The following IQCM variants were observed in gnomAD, a reference collection of about 807,000 sequenced individuals.
The protein encoded by IQCM is IQ domain-containing protein M.
In IQCM, 45 loss-of-function variants were observed where a neutral mutation model predicts 57.6. That is an observed-to-expected ratio of 0.78 (90% CI 0.62 to 1.00). The LOEUF is 1.00. Ranked by LOEUF, IQCM falls within the 50% of genes least tolerant of loss-of-function variation. The pLI, the probability that IQCM is intolerant of heterozygous loss-of-function variation, is 0.00. For missense variants in IQCM, 468 were observed against 511.6 expected (o/e 0.91, Z 0.82); for synonymous variants, 148 against 158.9 (o/e 0.93, Z 0.51).
At chr4:149,683,509 A>G (rs1257009791) in intron 6 of IQCM, among the ~76,000 whole-genome samples, 1 of 151,296 alleles carries the variant, frequency 6.6e-6, no homozygotes, top group African/African-American at 2.4e-5. Flanking sequence ...GGTCATGCCC[A>G]CAGAGTTGGC....
At chr4:149,506,533 G>A (rs1221261279) in intron 12 of IQCM, among the ~76,000 whole-genome samples, 1 of 152,158 alleles carries the variant, frequency 6.6e-6, no homozygotes, top group African/African-American at 2.4e-5. Flanking sequence ...TTTTTAGGGT[G>A]CTTGGCAGAA....
intron 2 of IQCM, among the ~76,000 whole-genome samples, chr4:149,754,239 T>C (rs1768743507): frequency 6.6e-6 from 1 of 152,140 alleles, no homozygotes; most frequent in South Asian, 2.1e-4. Context: ...ACTAGTCAAC[T>C]AGGATTTATG....
chr4:149,576,335 A>G (rs1751648815), intron 9 of IQCM, among the ~76,000 whole-genome samples: 1 of 151,716 alleles, frequency 6.6e-6, no homozygotes, highest in South Asian at 2.1e-4. Context: ...CCTTGTGTCT[A>G]TTGTGCCCTT....
intron 9 of IQCM, among the ~76,000 whole-genome samples, chr4:149,570,429 G>T (rs907069163): frequency 6.6e-6 from 1 of 152,004 alleles, no homozygotes; most frequent in Admixed American, 6.6e-5. Flanking sequence ...ATTGGTTAGG[G>T]ATTGCCAACT....
intron 2 of IQCM, among the ~76,000 whole-genome samples, chr4:149,811,898 CTG>C (rs1250405207): frequency 1.3e-5 from 2 of 152,138 alleles, no homozygotes; most frequent in African/African-American, 2.4e-5. Context: ...CTGAGTGACT[CTG>C]TAACATGCAG....
chr4:149,711,727 A>G (rs1483530173), intron 5 of IQCM, among the ~76,000 whole-genome samples: 1 of 152,166 alleles, frequency 6.6e-6, no homozygotes, highest in Non-Finnish European at 1.5e-5. Flanking sequence ...CAGCTATTCC[A>G]GTCTATTTTT....
At chr4:149,397,391 G>A (rs1732302666) in intron 13 of IQCM, among the ~76,000 whole-genome samples, 1 of 151,942 alleles carries the variant, frequency 6.6e-6, no homozygotes, top group Admixed American at 6.6e-5. Context: ...TAATCCCCAG[G>A]TGTCAAGGGA....
intron 12 of IQCM, among the ~76,000 whole-genome samples, chr4:149,543,478 G>C (rs924209552): frequency 3.3e-5 from 5 of 150,500 alleles, no homozygotes; most frequent in African/African-American, 1.2e-4. Flanking sequence ...TTGTTCTTGC[G>C]ATAGTTTACT....
chr4:149,359,921 A>G (rs937516993), intron 13 of IQCM, among the ~76,000 whole-genome samples: 8 of 152,202 alleles, frequency 5.3e-5, no homozygotes, highest in Admixed American at 5.2e-4. Context: ...CTGTTTGTTT[A>G]GATTCATGCT....
At chr4:149,453,931 T>A (rs575110359) in intron 12 of IQCM, among the ~76,000 whole-genome samples, 1 of 151,926 alleles carries the variant, frequency 6.6e-6, no homozygotes, top group Non-Finnish European at 1.5e-5. Flanking sequence ...TTTGCCGTAT[T>A]GTCAAAAACA....
intron 12 of IQCM, among the ~76,000 whole-genome samples, chr4:149,484,828 T>C (rs1032124921): frequency 2.3e-4 from 35 of 152,072 alleles, no homozygotes; most frequent in African/African-American, 7.7e-4. Flanking sequence ...TTTAACATCC[T>C]TTTCTTTAGG....
At chr4:149,678,410 G>A (rs1296525585) in intron 7 of IQCM, among the ~76,000 whole-genome samples, 1 of 151,826 alleles carries the variant, frequency 6.6e-6, no homozygotes, top group African/African-American at 2.4e-5. Context: ...TCTATTGCCA[G>A]CTAAGAATAC....
At chr4:149,466,868 G>A (rs2149719382) in intron 12 of IQCM, among the ~76,000 whole-genome samples, 1 of 152,228 alleles carries the variant, frequency 6.6e-6, no homozygotes, top group South Asian at 2.1e-4. Flanking sequence ...CTGTTCCTCA[G>A]AAATAAAACC....
At chr4:149,388,532 T>A (rs1363467452) in intron 13 of IQCM, among the ~76,000 whole-genome samples, 1 of 127,810 alleles carries the variant, frequency 7.8e-6, no homozygotes, top group Non-Finnish European at 1.6e-5. Flanking sequence ...TTATATATAT[T>A]ATATATTATA....
intron 12 of IQCM, among the ~76,000 whole-genome samples, chr4:149,545,867 G>A (rs906042769): frequency 2.6e-5 from 4 of 151,784 alleles, no homozygotes; most frequent in South Asian, 2.1e-4. Context: ...TGTGCACAAC[G>A]TGAAGGTTTG....
chr4:149,563,193 G>A (rs1750293805), intron 10 of IQCM, among the ~76,000 whole-genome samples: 1 of 152,184 alleles, frequency 6.6e-6, no homozygotes, highest in South Asian at 2.1e-4. Flanking sequence ...CACTGCAAGA[G>A]TACCCAGGAG....
chr4:149,493,251 C>T (rs1271905931), intron 12 of IQCM, among the ~76,000 whole-genome samples: 3 of 151,238 alleles, frequency 2.0e-5, no homozygotes, highest in Non-Finnish European at 4.4e-5. Context: ...TTTTTTTTCC[C>T]TCATTGAGAA....
At chr4:149,677,134 T>A (rs1761821017) in intron 7 of IQCM, among the ~76,000 whole-genome samples, 1 of 152,082 alleles carries the variant, frequency 6.6e-6, no homozygotes, top group Non-Finnish European at 1.5e-5. Context: ...ACGAAGAGCT[T>A]ATTCACCATC....
At chr4:149,803,076 A>G (rs1773750777) in intron 2 of IQCM, among the ~76,000 whole-genome samples, 1 of 152,034 alleles carries the variant, frequency 6.6e-6, no homozygotes, top group South Asian at 2.1e-4. Flanking sequence ...CCCATGATCC[A>G]TGTGCTAGTA....
Sources: gnomAD v4.1 joint callset for allele counts (sites outside exome capture counted in the v4.1 genomes callset) on GRCh38, gnomAD v4.1.1 for gene constraint, MANE v1.5 for transcripts, NCBI Gene and HGNC (gene_info 2026-07-23, HGNC 2026-07-21) for gene names.